Variants in MGA observed in about 807,000 individuals in gnomAD.
The protein encoded by MGA is MAX dimerization protein MGA.
In MGA, 40 loss-of-function variants were observed where a neutral mutation model predicts 261.1. That is an observed-to-expected ratio of 0.15 (90% CI 0.12 to 0.20). MGA has a LOEUF of 0.20. Ranked by LOEUF, MGA falls within the 10% of genes least tolerant of loss-of-function variation. The pLI, the probability that MGA is intolerant of heterozygous loss-of-function variation, is 1.00. For missense variants in MGA, 3,397 were observed against 3,630.5 expected, an observed-to-expected ratio of 0.94 and a Z score of 1.65; for synonymous variants, 1,302 against 1,290.6, an observed-to-expected ratio of 1.01 and a Z score of -0.19.
chr15:41,662,801 T>G lies in MGA; in HGVS notation c.-68+2276T>G, dbSNP rs538291315. ...CAAATGTAATTTAACCATATTCTTA[T>G]AGTGAAGGATCATATTAAGGAATAT... On this transcript the variant is annotated intron_variant, in intron 1 of 23. Transcript: ENST00000219905. Among the ~76,000 whole-genome samples, 22 of 152,316 alleles carry G rather than the reference T, an allele frequency of 1.4e-4. 1 individual carries two copies. In the South Asian group the frequency reaches 3.9e-3, roughly 27 times the overall value.
chr15:41,686,017 A>AT (rs982034983), intron 2 of MGA, among the ~76,000 whole-genome samples: 17 of 150,124 alleles, frequency 1.1e-4, no homozygotes, highest in Non-Finnish European at 1.6e-4. Context: ...AAAAAAAAAA[A>AT]AATAATAATA....
intron 22 of MGA, 62 bp downstream of exon 22, chr15:41,762,424 G>A (rs947566477): frequency 3.3e-6 from 3 of 922,276 alleles, no homozygotes; most frequent in Admixed American, 5.0e-5. Flanking sequence ...TTAGTGGACT[G>A]ACCACCTTCT....
At chr15:41,626,169 AGAG>A (rs958702688) in intron 1 of MGA, among the ~76,000 whole-genome samples, 1 of 152,184 alleles carries the variant, frequency 6.6e-6, no homozygotes, top group African/African-American at 2.4e-5. Flanking sequence ...TGTGGGGATA[AGAG>A]GAGAATTACT....
chr15:41,741,016 AG>A (rs2062059274), intron 14 of MGA, among the ~76,000 whole-genome samples: 2 of 152,150 alleles, frequency 1.3e-5, no homozygotes, highest in African/African-American at 4.8e-5. Context: ...CTGAATGGTT[AG>A]AGTTGTGTGA....
chr15:41,711,500 C>T (rs2060383614), intron 8 of MGA, among the ~76,000 whole-genome samples, 151 bp downstream of exon 8: 1 of 152,084 alleles, frequency 6.6e-6, no homozygotes. Flanking sequence ...ATGTCTTCCC[C>T]ATTTGTTCTT....
At chr15:41,739,826 A>T in intron 13 of MGA, 80 bp from the exon 14 acceptor site, 3 of 1,382,176 alleles carry the variant, frequency 2.2e-6, no homozygotes, top group Non-Finnish European at 2.0e-6. Flanking sequence ...AAAACTTGTA[A>T]AAATGAAGCC....
chr15:41,676,419 G>T (rs1011174241), intron 2 of MGA, among the ~76,000 whole-genome samples: 1 of 152,350 alleles, frequency 6.6e-6, no homozygotes, highest in Non-Finnish European at 1.5e-5. Context: ...CTCCCCAAGT[G>T]CCGGGATTAC....
chr15:41,668,956 C>T lies in MGA; in HGVS notation c.62C>T (p.Ala21Val), dbSNP rs375646973. 1.5e-5 allele frequency: 24 copies of T among 1,608,954 alleles called. No individual in the cohort carries two copies. The highest frequency in any genetic ancestry group is 1.9e-5 in the Non-Finnish European group (22 of 1,176,774). ...GATGGTGGAACAGTGGCAGGAGCAGCACCTACCTTCTTTGTCATCTTAAAG... is the reference window on the plus strand; with the variant it reads ...GATGGTGGAACAGTGGCAGGAGCAGTACCTACCTTCTTTGTCATCTTAAAG... The change falls in exon 2 of 24, where the codon GCA (alanine) becomes GTA (valine). Residue 21 changes from alanine to valine, a missense_variant. Coordinates refer to ENST00000219905, the MANE Select transcript of MGA (RefSeq NM_001164273.2).
chr15:41,695,572 ATGT>A (rs1049430770), intron 2 of MGA, among the ~76,000 whole-genome samples: 33 of 152,144 alleles, frequency 2.2e-4, no homozygotes, highest in African/African-American at 8.0e-4. Flanking sequence ...GGGAAACTAG[ATGT>A]TTATGTTGTT....
chr15:41,731,261 GATAA>G (rs1339152886), intron 11 of MGA, among the ~76,000 whole-genome samples: 2 of 152,082 alleles, frequency 1.3e-5, no homozygotes, highest in Admixed American at 6.5e-5. Flanking sequence ...CAGATCTCAT[GATAA>G]ATAAAAACTT....
Position 41,718,500 on chromosome 15 carries a change from C to A in MGA, c.3430+5004C>A, listed in dbSNP as rs2060774945. Reference sequence around the variant, plus strand: ...GTCCACAGCTTTCTGATCAATCTTGCACTGCTCTGTAGTCTTGTAGTTCTC... The same window carrying A: ...GTCCACAGCTTTCTGATCAATCTTGAACTGCTCTGTAGTCTTGTAGTTCTC... On this transcript the variant is annotated intron_variant, in intron 9 of 23. Coordinates refer to ENST00000219905, the MANE Select transcript of MGA (RefSeq NM_001164273.2). 3 of 611,778 alleles carry A rather than the reference C, an allele frequency of 4.9e-6. No homozygotes were observed. The East Asian group carries it at 8.3e-5, about 17-fold the overall frequency. The allele number at this position is 611,778 out of a possible 1,614,324, so 37.9% of individuals were successfully genotyped here.
rs1021858038 is a variant in MGA, at chr15:41,633,096, C to T, written c.-68+11798C>T. Among the ~76,000 whole-genome samples the T allele has an allele frequency of 4.6e-5, 7 of 151,616 alleles. No homozygotes were observed. The East Asian group carries it at 9.9e-4, about 21-fold the overall frequency. The stretch of plus-strand genomic sequence containing the variant: ...CCTCCCGAGTAGCTGAGACTACAGG[C>T]GCGTGCCACCACGCCTGGCTAATTT... On this transcript the variant is annotated intron_variant, in intron 1 of 8. Coordinates refer to the MGA transcript ENST00000566718.
chr15:41,694,260 A>G (rs188214017), intron 2 of MGA, among the ~76,000 whole-genome samples: 14 of 152,152 alleles, frequency 9.2e-5, no homozygotes, highest in African/African-American at 3.4e-4. Flanking sequence ...TACTAAAAAT[A>G]CAAAAATTAG....
chr15:41,677,361 C>T lies in MGA; in HGVS notation c.1064+7403C>T, dbSNP rs192254441. Among the ~76,000 whole-genome samples, 347 of 152,276 alleles carry T rather than the reference C, an allele frequency of 2.3e-3. 1 individual carries two copies. The highest frequency in any genetic ancestry group is 7.8e-3 in the African/African-American group (324 of 41,548). ...TTCGCCATGTTGGCCAGGCTGGTTT[C>T]GAACTCCTGACCTCAGGTGATCCAG... On this transcript the variant is annotated intron_variant, in intron 2 of 23. Transcript: ENST00000219905.
chr15:41,748,767 A>G lies in MGA; in HGVS notation c.5343A>G (p.Gln1781=). Residue 1781 remains glutamine, a synonymous_variant, in exon 16 of 24, where the codon CAA becomes CAG. Coordinates refer to ENST00000219905, the MANE Select transcript of MGA (RefSeq NM_001164273.2). ...CTCTTAGACCTGTCTCAAACACACA[A>G]CTTCAGGGACATCGGATGGTCTTGC... is the stretch of plus-strand genomic sequence containing the variant. 1.2e-6 allele frequency: 2 copies of G among 1,613,944 alleles called. No homozygotes were observed. The highest frequency in any genetic ancestry group is 1.7e-6 in the Non-Finnish European group (2 of 1,179,882).
rs1309516728 is a variant in MGA at position 41,769,293 on chromosome 15, C to T, written c.*2013C>T. The T allele has an allele frequency of 7.2e-6, 1 of 139,460 alleles. No individual in the cohort carries two copies. Among genetic ancestry groups the T allele is most frequent in the East Asian group, 2.0e-4 (1 of 4,940 alleles). 8.6% of individuals were successfully genotyped at this position (139,460 alleles called of 1,614,324 possible). On this transcript the variant is annotated 3_prime_UTR_variant, in exon 24 of 24. Coordinates refer to ENST00000219905, the MANE Select transcript of MGA (RefSeq NM_001164273.2). ...GAAAAGAAGGACCATTTTAGCTTAA[C>T]ACTTCCTTTTTTTTTTTTTTTTTTT...
At position 41,708,223 on chromosome 15, in the gene MGA, A is replaced by T. The variant is rs200967730; in HGVS notation, c.2425+15A>T. The T allele has an allele frequency of 1.6e-5, 24 of 1,502,022 alleles. No individual in the cohort carries two copies. Among genetic ancestry groups the T allele is most frequent in the Non-Finnish European group, 2.0e-5 (22 of 1,109,220 alleles). The allele number at this position is 1,502,022 out of a possible 1,614,324, so 93.0% of individuals were successfully genotyped here. ...TAGGAATGAAGGTAATTAGTTTTTT[A>T]AAATTTTTTAAATGTTCTGAAACAT... is the stretch of plus-strand genomic sequence containing the variant. On this transcript the variant is annotated intron_variant, in intron 7 of 23. Transcript: ENST00000219905.
chr15:41,726,763 C>G (rs1207526882), intron 9 of MGA, among the ~76,000 whole-genome samples: 2 of 151,562 alleles, frequency 1.3e-5, no homozygotes, highest in African/African-American at 4.9e-5. Flanking sequence ...TCAGTAAGGT[C>G]TTCTCTGACC....
intron 5 of MGA, among the ~76,000 whole-genome samples, chr15:41,706,040 C>T (rs186492157): frequency 2.0e-5 from 3 of 152,040 alleles, no homozygotes; most frequent in East Asian, 3.9e-4. Flanking sequence ...ATTTCGAGAG[C>T]AGCCTGACCA....
Sources: gnomAD v4.1 joint callset for allele counts (sites outside exome capture counted in the v4.1 genomes callset) on GRCh38, gnomAD v4.1.1 for gene constraint, MANE v1.5 for transcripts, NCBI Gene and HGNC (gene_info 2026-07-23, HGNC 2026-07-21) for gene names.